The following COG8 variants were observed in gnomAD, a reference collection of about 807,000 sequenced individuals.
COG8 encodes the protein conserved oligomeric Golgi complex subunit 8.
A neutral mutation model predicts 46.5 loss-of-function variants in COG8; 45 were observed. The ratio of observed to expected loss-of-function variants is 0.97; its 90% CI spans 0.76 to 1.24. COG8 has a LOEUF of 1.24. COG8 is among the 50% of genes most tolerant of loss of function. The probability of loss-of-function intolerance (pLI) is 0.00; values close to 1 mark genes in which losing one functional copy is unlikely to be tolerated. For missense variants in COG8, 793 were observed against 820.8 expected, an observed-to-expected ratio of 0.97 and a Z score of 0.41; for synonymous variants, 407 against 347.8, an observed-to-expected ratio of 1.17 and a Z score of -1.90.
chr16:69,330,759 G>A, intron 5 of COG8, 54 bp downstream of exon 5: 2 of 1,456,696 alleles, frequency 1.4e-6, no homozygotes, highest in Non-Finnish European at 1.8e-6. Flanking sequence ...AACCCGCCCC[G>A]GACCTTCCAG....
intron 2 of COG8, among the ~76,000 whole-genome samples, 160 bp from the exon 3 acceptor site, chr16:69,335,508 G>C (rs1329739697): frequency 6.6e-6 from 1 of 152,112 alleles, no homozygotes; most frequent in African/African-American, 2.4e-5. Context: ...CAAAGATCAG[G>C]TTAGTTAACT....
chr16:69,336,266 C>T (rs933448603), intron 2 of COG8, among the ~76,000 whole-genome samples: 4 of 152,160 alleles, frequency 2.6e-5, no homozygotes, highest in African/African-American at 7.2e-5. Context: ...CCCATTAGCA[C>T]GTAAGCTGCA....
At chr16:69,330,710 C>G (rs1214737304) in intron 5 of COG8, 103 bp downstream of exon 5, 7 of 1,404,334 alleles carry the variant, frequency 5.0e-6, no homozygotes, top group East Asian at 2.6e-5. Flanking sequence ...AGCACCGCCC[C>G]CTTCCGCTCT....
At position 69,326,761 on chromosome 16, in the gene COG8, T is replaced by C. The variant is rs370769316; in HGVS notation, c.*2445A>G. 13 of 152,364 alleles carry C rather than the reference T, an allele frequency of 8.5e-5. 1 individual carries two copies. Among genetic ancestry groups the C allele is most frequent in the African/African-American group, 2.9e-4 (12 of 41,590 alleles). 9.4% of individuals were successfully genotyped at this position (152,364 alleles called of 1,614,324 possible). ...CCTGAAATGCTCTGAAATTCACTTC[T>C]CTGCCTGGGGATTCTGTTATAAACC... On this transcript the variant is annotated 3_prime_UTR_variant, in exon 6 of 6. Coordinates refer to ENST00000306875, the MANE Select transcript of COG8 (RefSeq NM_032382.5).
rs1278684434 is a variant in COG8, at chr16:69,326,504, C to T, written c.*2702G>A. 1 of 152,234 alleles carries T rather than the reference C, an allele frequency of 6.6e-6. No individual in the cohort carries two copies. The highest frequency in any genetic ancestry group is 1.5e-5 in the Non-Finnish European group (1 of 68,040). The allele number at this position is 152,234 out of a possible 1,614,324, so 9.4% of individuals were successfully genotyped here. ...GAACGTTGTTTCCTCATTCCTACTG[C>T]TTAAACACCTTGACAAGTCCTAGGG... is the stretch of plus-strand genomic sequence containing the variant. On this transcript the variant is annotated 3_prime_UTR_variant, in exon 6 of 6. Transcript: ENST00000306875.
At position 69,328,526 on chromosome 16, in the gene COG8, C is replaced by T. The variant is rs111425280; in HGVS notation, c.*680G>A. On this transcript the variant is annotated 3_prime_UTR_variant, in exon 6 of 6. Coordinates refer to ENST00000306875, the MANE Select transcript of COG8 (RefSeq NM_032382.5). ...TTTACACTCGTGCTGTCATGAAACA[C>T]ATCCTTGAACAGGGACTATTCTCTT... is the stretch of plus-strand genomic sequence containing the variant. The T allele has an allele frequency of 1.8e-3, 301 of 163,342 alleles. 1 individual carries two copies. The highest frequency in any genetic ancestry group is 3.1e-3 in the Non-Finnish European group (235 of 75,642). 10.1% of individuals were successfully genotyped at this position (163,342 alleles called of 1,614,324 possible).
At chr16:69,330,631 G>A in intron 5 of COG8, 182 bp downstream of exon 5, 1 of 1,406,390 alleles carries the variant, frequency 7.1e-7, no homozygotes. Context: ...GGCACGCCGG[G>A]AAGCGCCGTC....
At chr16:69,330,405 C>T (rs2011706959) in intron 5 of COG8, 2 of 1,479,172 alleles carry the variant, frequency 1.4e-6, no homozygotes, top group Non-Finnish European at 1.8e-6. Context: ...GGACCCAGCA[C>T]CAGACGCCTC....
chr16:69,329,906 G>A (rs538697979), intron 5 of COG8: 1 of 1,388,460 alleles, frequency 7.2e-7, no homozygotes. Flanking sequence ...GAGGTCCGGC[G>A]TATGAACCGC....
intron 3 of COG8, among the ~76,000 whole-genome samples, chr16:69,334,058 T>C (rs2012048296): frequency 2.0e-5 from 3 of 152,106 alleles, no homozygotes; most frequent in Admixed American, 1.3e-4. Context: ...AGGCTTCAGT[T>C]CTGCAATTGC....
rs761354764 is a variant in COG8, at chr16:69,334,841, C to G, written c.1093G>C (p.Gly365Arg). The change falls in exon 3 of 6, where the codon GGT becomes CGT. Residue 365 changes from glycine to arginine, a missense_variant. By Grantham distance (125) the Gly-to-Arg change is moderately radical. Coordinates refer to ENST00000306875, the MANE Select transcript of COG8 (RefSeq NM_032382.5). ...SFSRVGADFRGQLAPVFQRVA... is the reference protein window; with the variant it reads ...SFSRVGADFRRQLAPVFQRVA... ...CGCTGGAAAACAGGAGCCAACTGAC[C>G]CCGGAAATCAGCTCCCACCCGGCTG... 5.7e-5 allele frequency: 92 copies of G among 1,614,010 alleles called. No individual in the cohort carries two copies. The East Asian group carries it at 1.4e-3, about 25-fold the overall frequency.
In COG8 at chr16:69,339,280, G is replaced by A. The variant is rs985948774; in HGVS notation, c.273C>T (p.Ile91=). Residue 91 remains isoleucine (I), a synonymous_variant, in exon 1 of 6, where the codon ATC becomes ATT. Transcript: ENST00000306875. ...DLAFANYKTF[I]RGAECTERIH... ...TGCGCTCGGTGCACTCGGCGCCGCG[G>A]ATGAAGGTCTTGTAGTTAGCGAAGG... is the stretch of plus-strand genomic sequence containing the variant. 5 of 1,612,502 alleles carry A rather than the reference G, an allele frequency of 3.1e-6. No individual in the cohort carries two copies. The highest frequency in any genetic ancestry group is 4.2e-6 in the Non-Finnish European group (5 of 1,179,738).
Position 69,327,396 on chromosome 16 carries a change from G to C in COG8, c.*1810C>G, listed in dbSNP as rs1965630649. ...TTGGCCAGGCTGGTCTTGAACTCCT[G>C]ACCTCAGGTGATCTGCCTGCCTTGA... On this transcript the variant is annotated 3_prime_UTR_variant, in exon 6 of 6. Transcript: ENST00000306875. 1 of 151,956 alleles carries C rather than the reference G, an allele frequency of 6.6e-6. No individual in the cohort carries two copies. The highest frequency in any genetic ancestry group is 1.5e-5 in the Non-Finnish European group (1 of 68,028). 9.4% of individuals were successfully genotyped at this position (151,956 alleles called of 1,614,324 possible).
At position 69,335,271 on chromosome 16, in the gene COG8, C is replaced by A. The variant is rs2012143678; in HGVS notation, c.663G>T (p.Gln221His). Reference sequence around the variant, plus strand: ...CAATGACACGGAGGCAGGCAGGAAGCTGGATGTTGGTCCTCAGTTGCTGGA... The same window carrying A: ...CAATGACACGGAGGCAGGCAGGAAGATGGATGTTGGTCCTCAGTTGCTGGA... ...QLIQQLRTNI[Q>H]LPACLRVIGY... Residue 221 changes from glutamine (Q) to histidine (H), a missense_variant, in exon 3 of 6, where the codon CAG becomes CAT. Coordinates refer to ENST00000306875, the MANE Select transcript of COG8 (RefSeq NM_032382.5). 1 of 1,613,266 alleles carries A rather than the reference C, an allele frequency of 6.2e-7. No homozygotes were observed. Among genetic ancestry groups the A allele is most frequent in the Non-Finnish European group, 8.5e-7 (1 of 1,179,890 alleles).
Position 69,329,168 on chromosome 16 carries a change from T to C in COG8, c.*38A>G, listed in dbSNP as rs371381833. ...GCCTGCCACACCACCTGTTCTCCAT[T>C]GGGGTCCAGCCCTGCAAAGGAAGTT... On this transcript the variant is annotated 3_prime_UTR_variant, in exon 6 of 6. Transcript: ENST00000306875. The C allele has an allele frequency of 1.6e-5, 25 of 1,603,600 alleles. No individual in the cohort carries two copies. The highest frequency in any genetic ancestry group is 1.8e-5 in the Non-Finnish European group (21 of 1,177,154).
chr16:69,331,354 A>AAG (rs1352857688), intron 4 of COG8, among the ~76,000 whole-genome samples: 1 of 150,870 alleles, frequency 6.6e-6, no homozygotes, highest in Non-Finnish European at 1.5e-5. Context: ...TGGGAAGGCT[A>AAG]AGGCAGGAGA....
chr16:69,338,786 G>A (rs2012353789), intron 1 of COG8, among the ~76,000 whole-genome samples: 1 of 152,168 alleles, frequency 6.6e-6, no homozygotes, highest in African/African-American at 2.4e-5. Flanking sequence ...TCAAAAGATC[G>A]AGACCATCCC....
At position 69,332,822 on chromosome 16, in the gene COG8, G is replaced by A; in HGVS notation, c.1474C>T (p.Gln492Ter). The A allele has an allele frequency of 6.2e-7, 1 of 1,614,212 alleles. No individual in the cohort carries two copies. The highest frequency in any genetic ancestry group is 1.7e-5 in the Admixed American group (1 of 60,028). Residue 492 changes from glutamine to a stop codon, truncating the protein, a stop_gained, in exon 4 of 6, where the codon CAA becomes TAA. Coordinates refer to ENST00000306875, the MANE Select transcript of COG8 (RefSeq NM_032382.5). LOFTEE classifies it high-confidence loss of function. The stretch of plus-strand genomic sequence containing the variant: ...GTGCAGAACTGGACAAAGAGCTCTT[G>A]CTCCCCGCTGCTGAAGGCAGCCTCT... ...AEEAAFSSGE[Q>*]ELFVQFCTVF...
chr16:69,336,479 G>A (rs1324641842), intron 2 of COG8, 26 bp downstream of exon 2: 1 of 1,603,184 alleles, frequency 6.2e-7, no homozygotes, highest in Admixed American at 1.7e-5. Context: ...ACATTACTTT[G>A]AGTCCTCTCT....
Sources: allele counts gnomAD v4.1 joint callset (sites outside exome capture counted in the v4.1 genomes callset), GRCh38; gene constraint gnomAD v4.1.1; transcripts MANE v1.5; gene names NCBI Gene and HGNC (gene_info 2026-07-23, HGNC 2026-07-21).